Variants in NELL1 observed in about 807,000 individuals in gnomAD.
NELL1 encodes the protein protein kinase C-binding protein NELL1.
A neutral mutation model predicts 107.4 loss-of-function variants in NELL1; 76 were observed. That is an observed-to-expected ratio of 0.71 (90% CI 0.59 to 0.86). NELL1 has a LOEUF of 0.86. NELL1 is among the 40% of genes least tolerant of loss of function. NELL1 has a pLI of 0.00. For missense variants in NELL1, 1,024 were observed against 1,005.5 expected (o/e 1.02, Z -0.25); for synonymous variants, 353 against 341.2 (o/e 1.03, Z -0.38).
At chr11:20,984,527 T>C (rs1203898097) in intron 12 of NELL1, among the ~76,000 whole-genome samples, 1 of 152,214 alleles carries the variant, frequency 6.6e-6, no homozygotes, top group Admixed American at 6.5e-5. Context: ...CCCTTTCTTC[T>C]TTCCTCCCAT....
chr11:21,219,849 A>T (rs1277027611), intron 13 of NELL1, among the ~76,000 whole-genome samples: 3 of 152,196 alleles, frequency 2.0e-5, no homozygotes, highest in African/African-American at 7.2e-5. Flanking sequence ...TTATAAAGAA[A>T]AGAGGTTTCA....
At chr11:21,168,765 C>A (rs1202914930) in intron 13 of NELL1, among the ~76,000 whole-genome samples, 3 of 151,820 alleles carry the variant, frequency 2.0e-5, no homozygotes, top group African/African-American at 7.3e-5. Context: ...TGTTGTTAAG[C>A]TGCATGGCCA....
intron 9 of NELL1, among the ~76,000 whole-genome samples, chr11:20,929,710 GCTT>G (rs1193895801): frequency 2.0e-5 from 3 of 152,092 alleles, no homozygotes; most frequent in Admixed American, 2.0e-4. Flanking sequence ...AGTGGCTCAC[GCTT>G]CTAATCCCAG....
intron 14 of NELL1, among the ~76,000 whole-genome samples, chr11:21,298,346 A>G (rs1402133532): frequency 6.6e-6 from 1 of 151,760 alleles, no homozygotes; most frequent in Non-Finnish European, 1.5e-5. Flanking sequence ...TGTTTTATCA[A>G]TTTGTTATTT....
At chr11:21,153,591 C>T (rs1856167581) in intron 13 of NELL1, among the ~76,000 whole-genome samples, 1 of 152,090 alleles carries the variant, frequency 6.6e-6, no homozygotes, top group South Asian at 2.1e-4. Context: ...AGGAAGGGCA[C>T]TTATAGTTCC....
At chr11:20,719,474 T>C (rs1855327857) in intron 2 of NELL1, among the ~76,000 whole-genome samples, 1 of 151,936 alleles carries the variant, frequency 6.6e-6, no homozygotes, top group East Asian at 1.9e-4. Context: ...AAAGGAAGAA[T>C]GGAGGATACA....
At chr11:20,890,016 A>G (rs1849586519) in intron 5 of NELL1, among the ~76,000 whole-genome samples, 1 of 152,212 alleles carries the variant, frequency 6.6e-6, no homozygotes, top group Admixed American at 6.5e-5. Flanking sequence ...ATGCCTCATT[A>G]AACAGGTCCT....
At chr11:21,555,524 A>G (rs1314128654) in intron 16 of NELL1, among the ~76,000 whole-genome samples, 1 of 151,898 alleles carries the variant, frequency 6.6e-6, no homozygotes, top group African/African-American at 2.4e-5. Context: ...TTCCTTTGTC[A>G]AAAGAGAGTC....
intron 14 of NELL1, chr11:21,284,461 G>A (rs754599020): frequency 4.1e-5 from 19 of 458,576 alleles, no homozygotes; most frequent in South Asian, 1.2e-4. Flanking sequence ...TCAACATCAC[G>A]AAACTGGGAG....
chr11:21,041,252 C>T (rs894835334), intron 12 of NELL1, among the ~76,000 whole-genome samples: 15 of 152,148 alleles, frequency 9.9e-5, no homozygotes, highest in Admixed American at 9.8e-4. Flanking sequence ...AACTAATCTT[C>T]CACGTCAATA....
chr11:21,002,725 A>T (rs911418225), intron 12 of NELL1, among the ~76,000 whole-genome samples: 6 of 152,178 alleles, frequency 3.9e-5, no homozygotes, highest in Admixed American at 1.3e-4. Flanking sequence ...GCCAGTGGAA[A>T]AATTTCCTCT....
chr11:20,898,332 AC>A (rs1384726079), intron 5 of NELL1, among the ~76,000 whole-genome samples: 3 of 152,074 alleles, frequency 2.0e-5, no homozygotes, highest in Non-Finnish European at 4.4e-5. Context: ...AAAAAACCAA[AC>A]ACTGCATGTT....
intron 3 of NELL1, among the ~76,000 whole-genome samples, chr11:20,818,608 C>G (rs1857679532): frequency 6.6e-6 from 1 of 152,020 alleles, no homozygotes; most frequent in Non-Finnish European, 1.5e-5. Flanking sequence ...TCATCTCTTA[C>G]CTTTAGTATT....
intron 12 of NELL1, among the ~76,000 whole-genome samples, chr11:21,055,417 C>T (rs182400203): frequency 6.6e-6 from 1 of 152,010 alleles, no homozygotes; most frequent in Non-Finnish European, 1.5e-5. Context: ...TTTGAGAGTG[C>T]TAACGCTTTT....
intron 7 of NELL1, among the ~76,000 whole-genome samples, chr11:20,921,091 C>T (rs1176215447): frequency 6.6e-6 from 1 of 152,014 alleles, no homozygotes; most frequent in African/African-American, 2.4e-5. Flanking sequence ...CCTTGCAAGC[C>T]AAGAGGCAAA....
chr11:20,740,862 G>T (rs113794691), intron 2 of NELL1, among the ~76,000 whole-genome samples: 1 of 152,126 alleles, frequency 6.6e-6, no homozygotes, highest in African/African-American at 2.4e-5. Context: ...CTGGGCCCAA[G>T]TGATCCTCCT....
intron 11 of NELL1, among the ~76,000 whole-genome samples, chr11:20,959,927 A>G (rs1052812983): frequency 1.3e-5 from 2 of 152,238 alleles, no homozygotes; most frequent in African/African-American, 2.4e-5. Flanking sequence ...AAACACAAAT[A>G]TGAAGTAAAG....
Position 20,756,985 on chromosome 11 carries a change from A to G in NELL1, c.185-26695A>G, listed in dbSNP as rs547180924. On this transcript the variant is annotated intron_variant, in intron 2 of 19. Coordinates refer to ENST00000357134, the MANE Select transcript of NELL1 (RefSeq NM_006157.5). ...TATATTGGAGGAACTAAGACTGTTCAGACTGGAAGAGAACAGACTCTGGTG... is the reference window on the plus strand; with the variant it reads ...TATATTGGAGGAACTAAGACTGTTCGGACTGGAAGAGAACAGACTCTGGTG... 3.3e-5 allele frequency among the ~76,000 whole-genome samples: 5 copies of G among 152,262 alleles called. No homozygotes were observed. In the East Asian group the frequency reaches 7.7e-4, roughly 24 times the overall value.
intron 15 of NELL1, among the ~76,000 whole-genome samples, chr11:21,406,308 T>G (rs2133804361): frequency 6.6e-6 from 1 of 152,148 alleles, no homozygotes. Context: ...GTGTTTTTGA[T>G]TAATCATACT....
Sources: allele counts gnomAD v4.1 joint callset (sites outside exome capture counted in the v4.1 genomes callset), GRCh38; gene constraint gnomAD v4.1.1; transcripts MANE v1.5; gene names NCBI Gene and HGNC (gene_info 2026-07-23, HGNC 2026-07-21).